IDNK: variants seen among roughly 807,000 people sequenced by gnomAD.
IDNK encodes gluconokinase.
IDNK carries 9 observed loss-of-function variants against 13.0 expected under a neutral mutation model. That is an observed-to-expected ratio of 0.69 (90% CI 0.42 to 1.21). The LOEUF (loss-of-function observed/expected upper bound fraction) is 1.21, where lower values mean the gene tolerates loss of function less well. Ranked by LOEUF, IDNK falls within the 50% of genes most tolerant of loss-of-function variation. IDNK has a pLI of 0.00. For missense variants in IDNK, 210 were observed against 237.8 expected, an observed-to-expected ratio of 0.88 and a Z score of 0.77; for synonymous variants, 92 against 94.9, an observed-to-expected ratio of 0.97 and a Z score of 0.18.
chr9:83,635,144 C>A (rs1014362223), intron 3 of IDNK, among the ~76,000 whole-genome samples: 1 of 152,214 alleles, frequency 6.6e-6, no homozygotes, highest in Non-Finnish European at 1.5e-5. Flanking sequence ...AGGGCTGGCT[C>A]TCTGTCTTGC....
intron 3 of IDNK, among the ~76,000 whole-genome samples, chr9:83,639,300 T>TA (rs1315843655): frequency 3.9e-5 from 6 of 152,338 alleles, no homozygotes; most frequent in African/African-American, 1.4e-4. Context: ...GGGATGCAGT[T>TA]ACAACATTAC....
At position 83,643,603 on chromosome 9, in the gene IDNK, G is replaced by A. The variant is rs143478756; in HGVS notation, c.387G>A (p.Glu129=). ...LLVVHLSGSF[E]VISGRLLKRE... ...TGGTCCATCTGAGCGGGTCGTTTGA[G>A]GTCATCTCTGGACGCTTACTCAAAA... The change falls in exon 5 of 5, where the codon GAG becomes GAA. Residue 129 remains glutamate (E), a synonymous_variant. Coordinates refer to ENST00000376419, the MANE Select transcript of IDNK (RefSeq NM_001001551.4). 2.1e-5 allele frequency: 34 copies of A among 1,613,814 alleles called. No homozygotes were observed. The African/African-American group carries it at 3.9e-4, about 18-fold the overall frequency.
rs966457746 is a variant in IDNK, at chr9:83,629,182, A to C, written c.168+223A>C. Among the ~76,000 whole-genome samples, 29 of 152,208 alleles carry C rather than the reference A, an allele frequency of 1.9e-4. 1 individual carries two copies. Among genetic ancestry groups the C allele is most frequent in the Admixed American group, 1.9e-3 (29 of 15,282 alleles). On this transcript the variant is annotated intron_variant, in intron 3 of 4. Coordinates refer to ENST00000376419, the MANE Select transcript of IDNK (RefSeq NM_001001551.4). ...TGCCACCCTCTGCCCCAGCCTGAAC[A>C]GGCTCTGCCAAAACACCTTGTTGTG...
chr9:83,635,996 ACTGT>A (rs1286763595), intron 3 of IDNK, among the ~76,000 whole-genome samples: 2 of 152,218 alleles, frequency 1.3e-5, no homozygotes, highest in Admixed American at 6.5e-5. Context: ...TTTCATTACA[ACTGT>A]CTGTTAGAGG....
intron 3 of IDNK, among the ~76,000 whole-genome samples, chr9:83,631,247 G>A (rs1365873829): frequency 2.6e-5 from 4 of 151,966 alleles, no homozygotes; most frequent in East Asian, 1.9e-4. Flanking sequence ...TAGGGAGGAC[G>A]TGGGGAGAGT....
chr9:83,640,542 T>C (rs890384590), intron 3 of IDNK, among the ~76,000 whole-genome samples: 2 of 152,062 alleles, frequency 1.3e-5, no homozygotes, highest in East Asian at 1.9e-4. Flanking sequence ...TAATAGTGGG[T>C]TGAAAATAGC....
intron 1 of IDNK, chr9:83,626,820 C>CA: frequency 8.8e-7 from 1 of 1,130,432 alleles, no homozygotes; most frequent in Non-Finnish European, 1.1e-6. Flanking sequence ...TGTCTCCCTG[C>CA]GCAGCCTTCA....
chr9:83,631,135 G>A (rs1046821058), intron 3 of IDNK, among the ~76,000 whole-genome samples: 28 of 143,574 alleles, frequency 2.0e-4, no homozygotes, highest in Admixed American at 9.6e-4. Context: ...CACCCTCCCC[G>A]CACTGCCCCC....
Position 83,643,784 on chromosome 9 carries a change from T to C in IDNK, c.*4T>C. The C allele has an allele frequency of 6.3e-7, 1 of 1,588,982 alleles. No individual in the cohort carries two copies. The highest frequency in any genetic ancestry group is 8.6e-7 in the Non-Finnish European group (1 of 1,160,886). On this transcript the variant is annotated 3_prime_UTR_variant, in exon 5 of 5. Coordinates refer to ENST00000376419, the MANE Select transcript of IDNK (RefSeq NM_001001551.4). ...GGAAACCCTAAAAATGAAATGACAA[T>C]GATTTTGTATCAGTGGTCCAAACAG...
At chr9:83,630,737 C>T (rs1262696335) in intron 3 of IDNK, among the ~76,000 whole-genome samples, 2 of 152,062 alleles carry the variant, frequency 1.3e-5, no homozygotes, top group Non-Finnish European at 2.9e-5. Context: ...AGTTAAATAA[C>T]AAAATAAAGC....
chr9:83,639,313 A>G (rs185724934), intron 3 of IDNK, among the ~76,000 whole-genome samples: 1 of 152,382 alleles, frequency 6.6e-6, no homozygotes, highest in Admixed American at 6.5e-5. Context: ...AACATTACTT[A>G]GAGGGAAACT....
chr9:83,632,824 T>C (rs2780972), intron 3 of IDNK, among the ~76,000 whole-genome samples: 122,951 of 152,078 alleles, frequency 0.81, 50,111 homozygotes, highest in African/African-American at 0.9. Flanking sequence ...CTGGAAGGCA[T>C]AGAGCTCAGT....
chr9:83,635,320 C>A (rs1446517138), intron 3 of IDNK, among the ~76,000 whole-genome samples: 1 of 152,192 alleles, frequency 6.6e-6, no homozygotes, highest in East Asian at 1.9e-4. Flanking sequence ...CACATTAGTA[C>A]CCACATTTTC....
At chr9:83,626,902 T>G in intron 1 of IDNK, 1 of 1,039,334 alleles carries the variant, frequency 9.6e-7, no homozygotes, top group African/African-American at 1.7e-5. Context: ...AGATCTCAGT[T>G]TGGTACAACT....
At chr9:83,632,580 A>G (rs1382346540) in intron 3 of IDNK, among the ~76,000 whole-genome samples, 1 of 150,626 alleles carries the variant, frequency 6.6e-6, no homozygotes, top group Non-Finnish European at 1.5e-5. Context: ...AAAAAAAAAA[A>G]AAATCACAAA....
At chr9:83,643,144 A>C (rs1446535306) in intron 4 of IDNK, among the ~76,000 whole-genome samples, 5 of 152,208 alleles carry the variant, frequency 3.3e-5, no homozygotes, top group Non-Finnish European at 5.9e-5. Flanking sequence ...GATCTCAAAC[A>C]GTGTTTTCCT....
At chr9:83,638,461 A>G (rs1380961719) in intron 3 of IDNK, among the ~76,000 whole-genome samples, 1 of 152,220 alleles carries the variant, frequency 6.6e-6, no homozygotes, top group Non-Finnish European at 1.5e-5. Flanking sequence ...TAAAATGTCA[A>G]ACTTCCTGGA....
chr9:83,623,308 C>A, intron 1 of IDNK, 87 bp downstream of exon 1: 2 of 1,233,726 alleles, frequency 1.6e-6, no homozygotes, highest in Non-Finnish European at 2.1e-6. Context: ...TGCCGGTGGA[C>A]TGGGGTCTTG....
At chr9:83,623,296 C>A in intron 1 of IDNK, 75 bp downstream of exon 1, 1 of 1,278,564 alleles carries the variant, frequency 7.8e-7, no homozygotes, top group Non-Finnish European at 1.0e-6. Context: ...CGTCGCCGTC[C>A]CTGCCGGTGG....
Sources: gnomAD v4.1 joint callset for allele counts (sites outside exome capture counted in the v4.1 genomes callset) on GRCh38, gnomAD v4.1.1 for gene constraint, MANE v1.5 for transcripts, NCBI Gene and HGNC (gene_info 2026-07-23, HGNC 2026-07-21) for gene names.